EBF1: variants seen among roughly 807,000 people sequenced by gnomAD.
EBF1 encodes EBF transcription factor 1, also known as transcription factor COE1.
Under a neutral mutation model 68.4 loss-of-function variants are expected in EBF1, and 10 were observed. The ratio of observed to expected loss-of-function variants is 0.15; its 90% CI spans 0.09 to 0.25. The LOEUF (loss-of-function observed/expected upper bound fraction) is 0.25, where lower values mean the gene tolerates loss of function less well. Ranked by LOEUF, EBF1 falls within the 10% of genes least tolerant of loss-of-function variation. EBF1 has a pLI of 1.00. For synonymous variants in EBF1, 298 were observed against 299.8 expected (o/e 0.99, Z 0.06); for missense variants, 509 against 794.4 (o/e 0.64, Z 4.32).
chr5:158,914,577 C>T (rs1453130208), intron 6 of EBF1, among the ~76,000 whole-genome samples: 2 of 152,128 alleles, frequency 1.3e-5, no homozygotes, highest in South Asian at 2.1e-4. Context: ...TTTCAATCAA[C>T]CCTTACCAGC....
chr5:158,907,633 TCA>T (rs373855741), intron 6 of EBF1, among the ~76,000 whole-genome samples: 251 of 152,344 alleles, frequency 1.6e-3, no homozygotes, highest in African/African-American at 5.0e-3. Context: ...TCCTGAGTTA[TCA>T]GTTTCATTTG....
Position 159,041,254 on chromosome 5 carries a change from A to C in EBF1, c.554+32142T>G, listed in dbSNP as rs571706077. Among the ~76,000 whole-genome samples the C allele has an allele frequency of 6.6e-5, 10 of 152,352 alleles. No homozygotes were observed. The South Asian group carries it at 2.1e-3, about 32-fold the overall frequency. On this transcript the variant is annotated intron_variant, in intron 6 of 15. Transcript: ENST00000313708. ...TGAAAACATAGCAAACACTGCATGG[A>C]AAAGGCAAACGTTAACTTTTTAATG...
At chr5:158,751,654 A>T (rs938366052) in intron 10 of EBF1, among the ~76,000 whole-genome samples, 7 of 152,108 alleles carry the variant, frequency 4.6e-5, no homozygotes, top group Admixed American at 3.9e-4. Flanking sequence ...TACCTGTTGA[A>T]TCAGGACAGT....
chr5:158,788,591 G>A (rs1049126131), intron 9 of EBF1, among the ~76,000 whole-genome samples: 5 of 152,082 alleles, frequency 3.3e-5, no homozygotes, highest in African/African-American at 1.2e-4. Flanking sequence ...TTTAGTTCAG[G>A]GTATCAGGGA....
intron 6 of EBF1, among the ~76,000 whole-genome samples, chr5:159,015,304 C>G (rs1765428342): frequency 6.6e-6 from 1 of 152,214 alleles, no homozygotes; most frequent in South Asian, 2.1e-4. Context: ...CACAACAGAA[C>G]TCATGGTGAA....
Position 159,078,930 on chromosome 5 carries a change from A to C in EBF1, c.486-5466T>G, listed in dbSNP as rs141364468. On this transcript the variant is annotated intron_variant, in intron 5 of 15. Transcript: ENST00000313708. ...AAATATTCCCAGTCATGGAATCGGCAGATCCTCATCTTAGGGACATGGAAC... is the reference window on the plus strand; with the variant it reads ...AAATATTCCCAGTCATGGAATCGGCCGATCCTCATCTTAGGGACATGGAAC... 1.3e-3 allele frequency among the ~76,000 whole-genome samples: 204 copies of C among 152,342 alleles called. 2 individuals carry two copies. Among genetic ancestry groups the C allele is most frequent in the African/African-American group, 4.5e-3 (189 of 41,582 alleles).
At chr5:159,096,578 T>G in intron 2 of EBF1, 172 bp from the exon 3 acceptor site, 1 of 679,642 alleles carries the variant, frequency 1.5e-6, no homozygotes. Flanking sequence ...CCGCCCCCTG[T>G]TCCTGACTGC....
chr5:158,959,682 T>C (rs1312064294), intron 6 of EBF1, among the ~76,000 whole-genome samples: 1 of 152,090 alleles, frequency 6.6e-6, no homozygotes, highest in Non-Finnish European at 1.5e-5. Context: ...TATATATATA[T>C]ACTTTCAAGA....
chr5:158,953,660 C>T (rs1816491226), intron 6 of EBF1, among the ~76,000 whole-genome samples: 1 of 152,140 alleles, frequency 6.6e-6, no homozygotes, highest in African/African-American at 2.4e-5. Flanking sequence ...AGGAGTTTTC[C>T]ATCTTTTTCC....
intron 6 of EBF1, among the ~76,000 whole-genome samples, chr5:158,847,375 G>A (rs929454923): frequency 6.6e-6 from 1 of 152,234 alleles, no homozygotes; most frequent in Non-Finnish European, 1.5e-5. Context: ...ACAGTGAATA[G>A]GTAGAGGACA....
chr5:159,036,207 C>A (rs886082578), intron 6 of EBF1, among the ~76,000 whole-genome samples: 9 of 152,170 alleles, frequency 5.9e-5, no homozygotes, highest in Admixed American at 3.9e-4. Context: ...CTTTTAGATA[C>A]CTTGCTTCTG....
At chr5:158,887,812 A>T (rs1800345922) in intron 6 of EBF1, among the ~76,000 whole-genome samples, 1 of 152,222 alleles carries the variant, frequency 6.6e-6, no homozygotes, top group South Asian at 2.1e-4. Flanking sequence ...AGACTGGGTT[A>T]TGAAAAAATA....
chr5:158,889,210 A>T (rs929482135), intron 6 of EBF1, among the ~76,000 whole-genome samples: 2 of 152,190 alleles, frequency 1.3e-5, no homozygotes, highest in Non-Finnish European at 2.9e-5. Flanking sequence ...TAAGCATTCA[A>T]CAAGTACTTG....
chr5:158,813,649 C>A (rs560937583), intron 8 of EBF1, among the ~76,000 whole-genome samples: 1 of 152,180 alleles, frequency 6.6e-6, no homozygotes, highest in Non-Finnish European at 1.5e-5. Context: ...AAAAACAAAT[C>A]ATCAGAGCTT....
rs556138664 is a variant in EBF1, at chr5:158,896,297, T to C, written c.555-56187A>G. On this transcript the variant is annotated intron_variant, in intron 6 of 15. Coordinates refer to ENST00000313708, the MANE Select transcript of EBF1 (RefSeq NM_024007.5). The stretch of plus-strand genomic sequence containing the variant: ...ATATTGATGGGAAGTTGAGTTTTTT[T>C]TCCTCAACTATTACCTATTAAATTG... Among the ~76,000 whole-genome samples, 5 of 152,334 alleles carry C rather than the reference T, an allele frequency of 3.3e-5. No homozygotes were observed. The East Asian group carries it at 9.6e-4, about 29-fold the overall frequency.
At chr5:158,828,967 C>T (rs11135047) in intron 7 of EBF1, among the ~76,000 whole-genome samples, 90,176 of 151,982 alleles carry the variant, frequency 0.59, 26,906 homozygotes, top group South Asian at 0.7. Flanking sequence ...TCCAACTATA[C>T]GATATTCTGG....
At chr5:158,916,604 A>C (rs1044335277) in intron 6 of EBF1, among the ~76,000 whole-genome samples, 2 of 152,186 alleles carry the variant, frequency 1.3e-5, no homozygotes, top group African/African-American at 2.4e-5. Context: ...TAGTCCAAGC[A>C]ATCACATCCA....
chr5:158,765,452 G>T (rs754542435), intron 10 of EBF1, among the ~76,000 whole-genome samples: 13 of 151,704 alleles, frequency 8.6e-5, no homozygotes, highest in Non-Finnish European at 1.2e-4. Flanking sequence ...TATATTTTTG[G>T]CATTAAACAA....
chr5:159,044,486 G>A (rs1044876885), intron 6 of EBF1, among the ~76,000 whole-genome samples: 1 of 152,154 alleles, frequency 6.6e-6, no homozygotes, highest in African/African-American at 2.4e-5. Flanking sequence ...GTGTGTAGGA[G>A]TGGAGGAAGT....
Sources: gnomAD v4.1 joint callset for allele counts (sites outside exome capture counted in the v4.1 genomes callset) on GRCh38, gnomAD v4.1.1 for gene constraint, MANE v1.5 for transcripts, NCBI Gene and HGNC (gene_info 2026-07-23, HGNC 2026-07-21) for gene names.